The following GRID2 variants were observed in gnomAD, a reference collection of about 807,000 sequenced individuals.
GRID2 encodes glutamate receptor ionotropic, delta-2.
Under a neutral mutation model 114.8 loss-of-function variants are expected in GRID2, and 33 were observed. The ratio of observed to expected loss-of-function variants is 0.29; its 90% CI spans 0.22 to 0.38. GRID2 has a LOEUF of 0.38. Ranked by LOEUF, GRID2 falls within the 10% of genes least tolerant of loss-of-function variation. The pLI, the probability that GRID2 is intolerant of heterozygous loss-of-function variation, is 1.00. For synonymous variants in GRID2, 505 were observed against 449.9 expected (o/e 1.12, Z -1.55); for missense variants, 1,184 against 1,257.7 (o/e 0.94, Z 0.89).
At chr4:93,421,164 A>G (rs1258464591) in intron 9 of GRID2, among the ~76,000 whole-genome samples, 1 of 152,152 alleles carries the variant, frequency 6.6e-6, no homozygotes, top group Non-Finnish European at 1.5e-5. Context: ...AGCACCAGCC[A>G]TTGTATGTTC....
intron 8 of GRID2, among the ~76,000 whole-genome samples, chr4:93,350,485 T>C (rs1760689934): frequency 6.6e-6 from 1 of 152,050 alleles, no homozygotes; most frequent in South Asian, 2.1e-4. Context: ...ATTCAGGAGA[T>C]AAGATGCAGA....
At chr4:93,549,591 G>A (rs1406539447) in intron 13 of GRID2, among the ~76,000 whole-genome samples, 1 of 152,108 alleles carries the variant, frequency 6.6e-6, no homozygotes, top group African/African-American at 2.4e-5. Flanking sequence ...AGTGTCCAAT[G>A]CCCAGTGGTC....
chr4:92,626,567 G>T (rs564749909), intron 2 of GRID2, among the ~76,000 whole-genome samples: 4 of 152,158 alleles, frequency 2.6e-5, no homozygotes, highest in African/African-American at 9.6e-5. Flanking sequence ...GTATGAGAAG[G>T]CTGTCATGTG....
intron 14 of GRID2, among the ~76,000 whole-genome samples, chr4:93,733,240 G>C (rs1730642153): frequency 1.3e-5 from 2 of 152,042 alleles, no homozygotes; most frequent in African/African-American, 2.4e-5. Flanking sequence ...TTCTGTCTGA[G>C]ACTTTCATGT....
intron 1 of GRID2, 28 bp downstream of exon 1, chr4:92,304,772 T>A: frequency 6.7e-7 from 1 of 1,494,920 alleles, no homozygotes; most frequent in South Asian, 1.1e-5. Context: ...CAGCTCGTGG[T>A]TACTTTTACC....
At chr4:92,670,393 T>A (rs973574444) in intron 2 of GRID2, among the ~76,000 whole-genome samples, 1 of 152,010 alleles carries the variant, frequency 6.6e-6, no homozygotes, top group African/African-American at 2.4e-5. Context: ...TTAAACTGAT[T>A]TAATGATAAG....
intron 1 of GRID2, among the ~76,000 whole-genome samples, chr4:92,448,536 C>G (rs1733588770): frequency 6.6e-6 from 1 of 151,976 alleles, no homozygotes; most frequent in Admixed American, 6.6e-5. Context: ...AATTAAGTAA[C>G]TAGCCCAGTT....
Position 92,552,454 on chromosome 4 carries a change from G to A in GRID2, c.89-37677G>A, listed in dbSNP as rs149771179. Among the ~76,000 whole-genome samples, 84 of 152,278 alleles carry A rather than the reference G, an allele frequency of 5.5e-4. 1 individual carries two copies. The East Asian group carries it at 0.014, about 26-fold the overall frequency. On this transcript the variant is annotated intron_variant, in intron 1 of 15. Transcript: ENST00000282020. ...GGTTACAGAAGGAACGGTTGGAGAG[G>A]AGGTAGAGAAAGCAGATGTTGCACT... is the stretch of plus-strand genomic sequence containing the variant.
At chr4:93,454,635 C>T (rs1338487888) in intron 10 of GRID2, among the ~76,000 whole-genome samples, 1 of 152,064 alleles carries the variant, frequency 6.6e-6, no homozygotes, top group East Asian at 1.9e-4. Context: ...TAGTTTGAGA[C>T]TAGATTCATC....
chr4:92,470,549 A>G lies in GRID2; in HGVS notation c.89-119582A>G, dbSNP rs73837304. Among the ~76,000 whole-genome samples the G allele has an allele frequency of 8.9e-3, 1,360 of 152,102 alleles. 15 individuals carry two copies. The highest frequency in any genetic ancestry group is 0.031 in the African/African-American group (1,295 of 41,524). Reference sequence around the variant, plus strand: ...TCCTCATCCTTCTTTAATAGACACTATATTTGTCAAAATTTTTGTAAGCAT... The same window carrying G: ...TCCTCATCCTTCTTTAATAGACACTGTATTTGTCAAAATTTTTGTAAGCAT... On this transcript the variant is annotated intron_variant, in intron 1 of 15. Transcript: ENST00000282020.
intron 1 of GRID2, among the ~76,000 whole-genome samples, chr4:92,451,292 A>C (rs1240525700): frequency 6.6e-6 from 1 of 152,192 alleles, no homozygotes; most frequent in African/African-American, 2.4e-5. Context: ...CGGTAATTCT[A>C]AATATTAGTG....
chr4:93,019,274 A>G (rs1440177010), intron 2 of GRID2, among the ~76,000 whole-genome samples: 1 of 152,162 alleles, frequency 6.6e-6, no homozygotes, highest in Non-Finnish European at 1.5e-5. Flanking sequence ...ACAGCCAAAT[A>G]CCACAATTTT....
At chr4:92,392,487 C>T (rs1288773006) in intron 1 of GRID2, among the ~76,000 whole-genome samples, 3 of 151,920 alleles carry the variant, frequency 2.0e-5, no homozygotes, top group Admixed American at 6.6e-5. Context: ...TGCAATGAGC[C>T]GGGATGGCAC....
intron 3 of GRID2, among the ~76,000 whole-genome samples, chr4:93,107,068 G>A (rs1732306993): frequency 6.6e-6 from 1 of 152,152 alleles, no homozygotes; most frequent in Admixed American, 6.5e-5. Flanking sequence ...GGGAGGCCGA[G>A]GCAGGTGGAT....
At chr4:93,105,014 A>T in intron 3 of GRID2, among the ~76,000 whole-genome samples, 1 of 151,762 alleles carries the variant, frequency 6.6e-6, no homozygotes, top group Non-Finnish European at 1.5e-5. Context: ...CTGGTGTGAG[A>T]TGGTATCTCA....
intron 1 of GRID2, among the ~76,000 whole-genome samples, chr4:92,330,711 AT>A (rs935769006): frequency 6.6e-6 from 1 of 151,992 alleles, no homozygotes; most frequent in African/African-American, 2.4e-5. Flanking sequence ...GTGAAAAACC[AT>A]TTTATATATA....
intron 1 of GRID2, among the ~76,000 whole-genome samples, chr4:92,430,014 A>C (rs537292327): frequency 1.3e-5 from 2 of 152,240 alleles, no homozygotes; most frequent in African/African-American, 4.8e-5. Flanking sequence ...ATCTCTTGTC[A>C]GATTGATAGT....
At chr4:92,915,833 T>A (rs1368572192) in intron 2 of GRID2, among the ~76,000 whole-genome samples, 2 of 152,206 alleles carry the variant, frequency 1.3e-5, no homozygotes, top group African/African-American at 4.8e-5. Context: ...TCAGCGTTTT[T>A]TCATATGATT....
intron 1 of GRID2, among the ~76,000 whole-genome samples, chr4:92,574,156 G>A (rs778781326): frequency 1.3e-5 from 2 of 151,874 alleles, no homozygotes; most frequent in African/African-American, 2.4e-5. Context: ...CCATTTCCTG[G>A]GTAAATTTTC....
Sources: gnomAD v4.1 joint callset for allele counts (sites outside exome capture counted in the v4.1 genomes callset) on GRCh38, gnomAD v4.1.1 for gene constraint, MANE v1.5 for transcripts, NCBI Gene and HGNC (gene_info 2026-07-23, HGNC 2026-07-21) for gene names.